FCHSD2: variants seen among roughly 807,000 people sequenced by gnomAD.
FCHSD2 encodes the protein FCH and double SH3 domains 2.
FCHSD2 carries 38 observed loss-of-function variants against 108.1 expected under a neutral mutation model. That is an observed-to-expected ratio of 0.35 (90% CI 0.27 to 0.46). FCHSD2 has a LOEUF of 0.46. Ranked by LOEUF, FCHSD2 falls within the 20% of genes least tolerant of loss-of-function variation. The probability of loss-of-function intolerance (pLI) is 1.00; values close to 1 mark genes in which losing one functional copy is unlikely to be tolerated. For synonymous variants in FCHSD2, 279 were observed against 314.7 expected, an observed-to-expected ratio of 0.89 and a Z score of 1.20; for missense variants, 751 against 897.8, an observed-to-expected ratio of 0.84 and a Z score of 2.09.
intron 2 of FCHSD2, among the ~76,000 whole-genome samples, chr11:73,116,310 A>T (rs1860599682): frequency 6.6e-6 from 1 of 152,098 alleles, no homozygotes; most frequent in South Asian, 2.1e-4. Context: ...TGTTGACGAT[A>T]TTTTTACTTA....
At chr11:72,896,927 C>A (rs937678060) in intron 10 of FCHSD2, among the ~76,000 whole-genome samples, 1 of 151,900 alleles carries the variant, frequency 6.6e-6, no homozygotes, top group Non-Finnish European at 1.5e-5. Context: ...CCCAGGTTCA[C>A]GCCATTCTCC....
At chr11:73,058,997 T>G (rs1000868581) in intron 3 of FCHSD2, among the ~76,000 whole-genome samples, 2 of 152,152 alleles carry the variant, frequency 1.3e-5, no homozygotes, top group African/African-American at 4.8e-5. Flanking sequence ...TAAGGTGAAA[T>G]AGACTCAATG....
At chr11:72,955,488 T>C (rs1856695464) in intron 8 of FCHSD2, among the ~76,000 whole-genome samples, 1 of 152,142 alleles carries the variant, frequency 6.6e-6, no homozygotes, top group Non-Finnish European at 1.5e-5. Flanking sequence ...CACTGGCTAA[T>C]GGTGATCAAG....
At chr11:73,055,336 C>CT (rs1859000389) in intron 3 of FCHSD2, among the ~76,000 whole-genome samples, 1 of 102,518 alleles carries the variant, frequency 9.8e-6, no homozygotes. Flanking sequence ...GAGTGAGACC[C>CT]TGTCTCGAAA....
chr11:72,971,626 G>A (rs957375036), intron 8 of FCHSD2, among the ~76,000 whole-genome samples: 4 of 152,132 alleles, frequency 2.6e-5, no homozygotes, highest in South Asian at 2.1e-4. Flanking sequence ...CAGCCAGCAA[G>A]AAAACAGAGT....
intron 9 of FCHSD2, among the ~76,000 whole-genome samples, chr11:72,918,689 T>C (rs1254929130): frequency 1.3e-5 from 2 of 152,212 alleles, no homozygotes; most frequent in East Asian, 1.9e-4. Context: ...ACAGTAACAC[T>C]AGACAAATTA....
At chr11:73,092,288 C>T (rs532363635) in intron 2 of FCHSD2, among the ~76,000 whole-genome samples, 6 of 151,978 alleles carry the variant, frequency 3.9e-5, no homozygotes, top group South Asian at 2.1e-4. Flanking sequence ...CCACCACACC[C>T]GGCTAATTTT....
intron 3 of FCHSD2, among the ~76,000 whole-genome samples, chr11:73,072,371 GCCA>G (rs912534968): frequency 1.3e-5 from 2 of 151,654 alleles, no homozygotes; most frequent in Non-Finnish European, 2.9e-5. Flanking sequence ...TTTAATTATA[GCCA>G]CCATTTCTTT....
chr11:73,101,733 C>A (rs1211673766), intron 2 of FCHSD2, among the ~76,000 whole-genome samples: 1 of 151,698 alleles, frequency 6.6e-6, no homozygotes, highest in African/African-American at 2.4e-5. Context: ...CACTGCACCC[C>A]CCGCCCCCGA....
intron 2 of FCHSD2, among the ~76,000 whole-genome samples, chr11:73,090,219 C>CTTTTTTTTTTT (rs59603567): frequency 1.3e-5 from 1 of 77,022 alleles, no homozygotes; most frequent in Non-Finnish European, 2.3e-5. Context: ...TACAATACTT[C>CTTTTTTTTTTT]TTTTTTTTTT....
intron 11 of FCHSD2, among the ~76,000 whole-genome samples, chr11:72,889,232 A>T (rs1855263702): frequency 6.6e-6 from 1 of 152,170 alleles, no homozygotes; most frequent in African/African-American, 2.4e-5. Flanking sequence ...AAGTGCTGGG[A>T]TTACAGGCGT....
chr11:72,893,357 C>T (rs564068271), intron 10 of FCHSD2, among the ~76,000 whole-genome samples: 1 of 152,062 alleles, frequency 6.6e-6, no homozygotes, highest in East Asian at 1.9e-4. Flanking sequence ...ACTCTATTGC[C>T]CAGGCTGGAG....
chr11:73,138,558 C>T (rs555551111), intron 2 of FCHSD2, among the ~76,000 whole-genome samples: 8 of 151,744 alleles, frequency 5.3e-5, no homozygotes, highest in Non-Finnish European at 1.0e-4. Flanking sequence ...TTAAAAAAAC[C>T]TTACATTTTT....
chr11:72,977,524 C>CA (rs1857125858), intron 8 of FCHSD2, among the ~76,000 whole-genome samples: 1 of 152,132 alleles, frequency 6.6e-6, no homozygotes, highest in African/African-American at 2.4e-5. Context: ...TTAAAATGAG[C>CA]AAAAGCATCA....
intron 2 of FCHSD2, among the ~76,000 whole-genome samples, chr11:73,097,061 G>A (rs1860104223): frequency 2.4e-5 from 3 of 122,612 alleles, no homozygotes; most frequent in African/African-American, 9.4e-5. Flanking sequence ...GGAGTATAGT[G>A]GCACAATCTC....
chr11:73,087,102 ACCT>A (rs1265418759), intron 2 of FCHSD2, among the ~76,000 whole-genome samples: 2 of 152,160 alleles, frequency 1.3e-5, no homozygotes, highest in African/African-American at 2.4e-5. Flanking sequence ...GCCCCTGAAG[ACCT>A]CCTATGGGAC....
intron 13 of FCHSD2, 75 bp downstream of exon 13, chr11:72,867,790 T>C: frequency 7.4e-7 from 1 of 1,351,264 alleles, no homozygotes; most frequent in African/African-American, 1.5e-5. Flanking sequence ...TTTTGGCTAT[T>C]ATTAAGTTTG....
At chr11:72,974,387 C>T (rs1857067406) in intron 8 of FCHSD2, among the ~76,000 whole-genome samples, 2 of 152,220 alleles carry the variant, frequency 1.3e-5, no homozygotes, top group South Asian at 4.1e-4. Flanking sequence ...GGGCTCTGCC[C>T]TCATGACCTA....
chr11:72,939,880 A>C (rs1199353198), intron 8 of FCHSD2, among the ~76,000 whole-genome samples: 1 of 151,602 alleles, frequency 6.6e-6, no homozygotes, highest in African/African-American at 2.4e-5. Flanking sequence ...TGGCCTCCCA[A>C]GTGTTGGGAT....
Sources: gnomAD v4.1 joint callset for allele counts (sites outside exome capture counted in the v4.1 genomes callset) on GRCh38, gnomAD v4.1.1 for gene constraint, MANE v1.5 for transcripts, NCBI Gene and HGNC (gene_info 2026-07-23, HGNC 2026-07-21) for gene names.